Variants in IST1 observed in about 807,000 individuals in gnomAD.
The protein encoded by IST1 is IST1 homolog.
In IST1, 23 loss-of-function variants were observed where a neutral mutation model predicts 37.0. The observed-to-expected ratio is 0.62, with a 90% CI of 0.45 to 0.88. The LOEUF is 0.88. IST1 is among the 40% of genes least tolerant of loss of function. The pLI is 0.00. For missense variants in IST1, 488 were observed against 445.4 expected (o/e 1.10, Z -0.86); for synonymous variants, 180 against 161.7 (o/e 1.11, Z -0.86).
chr16:71,905,873 CAT>C (rs1011955739), intron 1 of IST1, among the ~76,000 whole-genome samples: 2 of 152,166 alleles, frequency 1.3e-5, no homozygotes, highest in Non-Finnish European at 2.9e-5. Flanking sequence ...AATTGTCAAA[CAT>C]ATTTTAAGAG....
intron 4 of IST1, among the ~76,000 whole-genome samples, chr16:71,920,199 TAAGG>T (rs948253962): frequency 2.6e-5 from 4 of 152,134 alleles, no homozygotes; most frequent in African/African-American, 9.7e-5. Context: ...CATTCCCAAA[TAAGG>T]AAGGGGCATA....
In IST1 at chr16:71,929,470, A is replaced by G. The variant is rs1442292602; in HGVS notation, c.*1657A>G. ...AAAAACAAAGTATATTATAATTTTA[A>G]AGCTATGCCATGCAAAGATAAGTAG... On this transcript the variant is annotated 3_prime_UTR_variant, in exon 10 of 10. Transcript: ENST00000378799. The G allele has an allele frequency of 4.3e-6, 6 of 1,385,874 alleles. No individual in the cohort carries two copies. The East Asian group carries it at 1.5e-4, about 35-fold the overall frequency. 85.8% of individuals were successfully genotyped at this position (1,385,874 alleles called of 1,614,324 possible).
chr16:71,924,527 G>T (rs1422943102), intron 8 of IST1: 3 of 577,060 alleles, frequency 5.2e-6, no homozygotes, highest in Non-Finnish European at 9.3e-6. Context: ...GGAAGTGGAG[G>T]CTGTGGTGAG....
chr16:71,922,962 C>T (rs1046319692), intron 7 of IST1: 1 of 500,058 alleles, frequency 2.0e-6, no homozygotes, highest in African/African-American at 2.0e-5. Context: ...GTAGTTTTTT[C>T]CACAAATGAA....
intron 6 of IST1, among the ~76,000 whole-genome samples, chr16:71,921,918 A>T (rs1350238430): frequency 6.6e-6 from 1 of 152,216 alleles, no homozygotes; most frequent in Admixed American, 6.5e-5. Context: ...CAGGCGGATC[A>T]CAAGGTCAGG....
intron 5 of IST1, 80 bp downstream of exon 5, chr16:71,920,902 C>A: frequency 2.0e-6 from 2 of 980,058 alleles, no homozygotes; most frequent in Non-Finnish European, 3.3e-6. Flanking sequence ...CTAGTGGGTA[C>A]CACTGTATTG....
intron 1 of IST1, among the ~76,000 whole-genome samples, chr16:71,912,893 C>T (rs1024659185): frequency 1.3e-5 from 2 of 152,180 alleles, no homozygotes; most frequent in Non-Finnish European, 2.9e-5. Context: ...ATGATGTCCT[C>T]AAATTTCATC....
chr16:71,911,828 C>T (rs554798408), intron 1 of IST1, among the ~76,000 whole-genome samples: 22 of 151,750 alleles, frequency 1.4e-4, no homozygotes, highest in Non-Finnish European at 1.0e-4. Context: ...GTGATCCTCC[C>T]ACTCCTGCCT....
chr16:71,924,266 A>C, intron 8 of IST1: 1 of 441,008 alleles, frequency 2.3e-6, no homozygotes. Flanking sequence ...AGTATCATTA[A>C]AGTTGTCTTA....
upstream of IST1, chr16:71,895,164 G>T (rs1437313160): frequency 1.2e-5 from 3 of 252,234 alleles, no homozygotes; most frequent in South Asian, 4.7e-5. Context: ...TCAGAGAGGC[G>T]GTACTGGCAG....
At chr16:71,910,890 C>G (rs915970717) in intron 1 of IST1, among the ~76,000 whole-genome samples, 3 of 152,192 alleles carry the variant, frequency 2.0e-5, no homozygotes, top group Non-Finnish European at 2.9e-5. Flanking sequence ...AATGTTAATA[C>G]CTGTTTTTAT....
Position 71,927,983 on chromosome 16 carries a change from T to C in IST1, c.*170T>C, listed in dbSNP as rs1363955416. 1.7e-6 allele frequency: 1 copy of C among 597,932 alleles called. No individual in the cohort carries two copies. Among genetic ancestry groups the C allele is most frequent in the African/African-American group, 1.9e-5 (1 of 53,708 alleles). The allele number at this position is 597,932 out of a possible 1,614,324, so 37.0% of individuals were successfully genotyped here. On this transcript the variant is annotated 3_prime_UTR_variant, in exon 10 of 10. Transcript: ENST00000378799. Reference sequence around the variant, plus strand: ...CAGATTCTGCTGCTTTCCAGTTCTCTGTTGATCCTGAGACTAACAATTGGA... The same window carrying C: ...CAGATTCTGCTGCTTTCCAGTTCTCCGTTGATCCTGAGACTAACAATTGGA...
Position 71,895,553 on chromosome 16 carries a change from G to A in IST1, c.-52G>A, listed in dbSNP as rs926073026. The A allele has an allele frequency of 1.7e-5, 17 of 985,590 alleles. No homozygotes were observed. The highest frequency in any genetic ancestry group is 1.7e-5 in the African/African-American group (1 of 57,248). 61.1% of individuals were successfully genotyped at this position (985,590 alleles called of 1,614,324 possible). On this transcript the variant is annotated 5_prime_UTR_variant, in exon 1 of 10. Transcript: ENST00000378799. ...GCCATTTTGGATGGTGAACCCTGAA[G>A]TCGGTGTCTGCTGCGTTCACGGCAG...
chr16:71,901,956 C>T (rs1294867501), intron 1 of IST1, among the ~76,000 whole-genome samples: 1 of 152,168 alleles, frequency 6.6e-6, no homozygotes, highest in Non-Finnish European at 1.5e-5. Context: ...AGATATAAAG[C>T]ATGCCTTAAA....
intron 1 of IST1, among the ~76,000 whole-genome samples, chr16:71,907,680 C>T (rs1023697666): frequency 6.6e-6 from 1 of 152,232 alleles, no homozygotes; most frequent in Middle Eastern, 3.4e-3. Context: ...ATTTTTTTCT[C>T]TCTTTTTTTC....
chr16:71,904,641 T>C (rs912561402), intron 1 of IST1, among the ~76,000 whole-genome samples: 3 of 152,206 alleles, frequency 2.0e-5, no homozygotes, highest in African/African-American at 7.2e-5. Flanking sequence ...ACTCCTGAGC[T>C]CCAGCGATCC....
upstream of IST1, chr16:71,894,834 AAT>A (rs1323479925): frequency 6.5e-7 from 1 of 1,534,304 alleles, no homozygotes; most frequent in Non-Finnish European, 8.7e-7. Flanking sequence ...AAGCAGCGAT[AAT>A]GGTTTTCAAG....
At chr16:71,921,738 G>C (rs566879883) in intron 6 of IST1, 1 of 323,610 alleles carries the variant, frequency 3.1e-6, no homozygotes, top group Non-Finnish European at 5.9e-6. Flanking sequence ...CCTGTTCATA[G>C]CAAGAAATGC....
chr16:71,922,940 A>G, intron 7 of IST1: 5 of 544,626 alleles, frequency 9.2e-6, no homozygotes, highest in Non-Finnish European at 3.2e-6. Flanking sequence ...GGGATCTGTT[A>G]TAGTCATACT....
Sources: allele counts gnomAD v4.1 joint callset (sites outside exome capture counted in the v4.1 genomes callset), GRCh38; gene constraint gnomAD v4.1.1; transcripts MANE v1.5; gene names NCBI Gene and HGNC (gene_info 2026-07-23, HGNC 2026-07-21).